The following THSD7B variants were observed in gnomAD, a reference collection of about 807,000 sequenced individuals.
THSD7B encodes thrombospondin type-1 domain-containing protein 7B.
In THSD7B, 138 loss-of-function variants were observed where a neutral mutation model predicts 213.6. The ratio of observed to expected loss-of-function variants is 0.65; its 90% confidence interval spans 0.56 to 0.74. THSD7B has a LOEUF of 0.74. Among genes scored for constraint, THSD7B ranks in the 30% least tolerant of loss-of-function variants. THSD7B has a pLI of 0.00. For missense variants in THSD7B, 1,931 were observed against 1,991.5 expected, an observed-to-expected ratio of 0.97 and a Z score of 0.58; for synonymous variants, 742 against 687.0, an observed-to-expected ratio of 1.08 and a Z score of -1.25.
chr2:137,648,385 C>T (rs1274819280), intron 21 of THSD7B, among the ~76,000 whole-genome samples: 2 of 142,816 alleles, frequency 1.4e-5, no homozygotes, highest in East Asian at 2.0e-4. Context: ...CCCCCCCTCA[C>T]CCCTACGTTC....
At chr2:136,892,008 G>T (rs1349174467) in intron 2 of THSD7B, among the ~76,000 whole-genome samples, 1 of 152,060 alleles carries the variant, frequency 6.6e-6, no homozygotes, top group African/African-American at 2.4e-5. Flanking sequence ...AACTAGCTGG[G>T]GTTGGAACAG....
At chr2:136,780,969 T>C (rs1681731170) in intron 1 of THSD7B, among the ~76,000 whole-genome samples, 3 of 152,134 alleles carry the variant, frequency 2.0e-5, no homozygotes, top group African/African-American at 4.8e-5. Flanking sequence ...CCAATGCCTG[T>C]GAAGAATGTG....
chr2:137,197,758 T>C (rs1426195576), intron 7 of THSD7B, among the ~76,000 whole-genome samples: 1 of 152,172 alleles, frequency 6.6e-6, no homozygotes, highest in Non-Finnish European at 1.5e-5. Flanking sequence ...TCTTAACATT[T>C]TAGGGCATTG....
chr2:137,239,703 A>C (rs1487734018), intron 9 of THSD7B, among the ~76,000 whole-genome samples: 1 of 152,172 alleles, frequency 6.6e-6, no homozygotes, highest in Non-Finnish European at 1.5e-5. Context: ...GAATGTTGGC[A>C]TTCTCTTGGT....
Position 137,396,983 on chromosome 2 carries a change from C to T in THSD7B, c.2501-8630C>T, listed in dbSNP as rs1248117504. Among the ~76,000 whole-genome samples the T allele has an allele frequency of 1.4e-5, 2 of 140,180 alleles. 1 individual carries two copies. The highest frequency in any genetic ancestry group is 3.2e-5 in the Non-Finnish European group (2 of 63,106). The allele number at this position is 140,180 out of a possible 152,430, so 92.0% of individuals were successfully genotyped here. On this transcript the variant is annotated intron_variant, in intron 12 of 27. Coordinates refer to ENST00000409968, the MANE Select transcript of THSD7B (RefSeq NM_001316349.2). ...TCTGTTTTATCAGAGACGAGGATTG[C>T]AACCCCTGCCTTTTTTTGTTTTCCA...
rs147206430 is a variant in THSD7B at position 136,766,687 on chromosome 2, C to A, written c.-36+1000C>A. Among the ~76,000 whole-genome samples, 154 of 152,252 alleles carry A rather than the reference C, an allele frequency of 1.0e-3. 2 individuals carry two copies. The highest frequency in any genetic ancestry group is 3.5e-3 in the African/African-American group (145 of 41,546). On this transcript the variant is annotated intron_variant, in intron 1 of 27. Coordinates refer to ENST00000409968, the MANE Select transcript of THSD7B (RefSeq NM_001316349.2). ...TCTTTTGGAATGTCTGAGCTCAGAG[C>A]TTCCCATAAGAGGTATTGCGATTCA...
intron 12 of THSD7B, among the ~76,000 whole-genome samples, chr2:137,286,408 C>G (rs757446006): frequency 6.6e-5 from 10 of 152,122 alleles, no homozygotes; most frequent in Admixed American, 2.0e-4. Context: ...TATCAAATGT[C>G]AAGACAGCCA....
chr2:137,465,116 G>A lies in THSD7B; in HGVS notation c.3138+14093G>A, dbSNP rs142223415. Among the ~76,000 whole-genome samples, 7 of 152,002 alleles carry A rather than the reference G, an allele frequency of 4.6e-5. No homozygotes were observed. In the East Asian group the frequency reaches 1.2e-3, roughly 25 times the overall value. On this transcript the variant is annotated intron_variant, in intron 15 of 27. Transcript: ENST00000409968. ...GGAGCCTTTTTTTTCTCCTTTATGT[G>A]CTCTGCCATATATTAATCCTTTTTT...
rs2104987585 is a variant in THSD7B, at chr2:137,396,176, T to A, written c.2501-9437T>A. 2.1e-5 allele frequency among the ~76,000 whole-genome samples: 3 copies of A among 144,194 alleles called. No homozygotes were observed. The South Asian group carries it at 7.1e-4, about 34-fold the overall frequency. 94.6% of individuals were successfully genotyped at this position (144,194 alleles called of 152,430 possible). On this transcript the variant is annotated intron_variant, in intron 12 of 27. Coordinates refer to ENST00000409968, the MANE Select transcript of THSD7B (RefSeq NM_001316349.2). ...GTCTCTATTTCCTTCAGTTCTGCTCTGATTTTAGTTATTTCTTGCCTTCTG... is the reference window on the plus strand; with the variant it reads ...GTCTCTATTTCCTTCAGTTCTGCTCAGATTTTAGTTATTTCTTGCCTTCTG...
intron 7 of THSD7B, among the ~76,000 whole-genome samples, chr2:137,204,280 T>A (rs1164790237): frequency 1.0e-5 from 1 of 96,276 alleles, no homozygotes; most frequent in Non-Finnish European, 2.2e-5. Flanking sequence ...AAATTCTTAG[T>A]AAAGGGACAA....
At chr2:137,224,845 T>C (rs921999786) in intron 7 of THSD7B, among the ~76,000 whole-genome samples, 6 of 152,182 alleles carry the variant, frequency 3.9e-5, no homozygotes, top group Non-Finnish European at 8.8e-5. Flanking sequence ...GTTAGGCTTC[T>C]GAAACAAACA....
At chr2:137,237,305 G>A (rs1341936759) in intron 9 of THSD7B, among the ~76,000 whole-genome samples, 3 of 152,128 alleles carry the variant, frequency 2.0e-5, no homozygotes, top group Non-Finnish European at 2.9e-5. Context: ...AAAGGCAAGG[G>A]GCCATGTATG....
intron 1 of THSD7B, among the ~76,000 whole-genome samples, chr2:136,868,628 A>G (rs1263589426): frequency 1.3e-5 from 2 of 152,176 alleles, no homozygotes; most frequent in East Asian, 1.9e-4. Flanking sequence ...GTAATTAAGT[A>G]TTTTTTTAAT....
intron 7 of THSD7B, among the ~76,000 whole-genome samples, chr2:137,224,998 GT>G (rs1681463393): frequency 1.3e-5 from 2 of 151,850 alleles, no homozygotes; most frequent in African/African-American, 4.8e-5. Context: ...TCTCTTTTGG[GT>G]TTTCCTCCCA....
chr2:137,211,995 T>A (rs1402887288), intron 7 of THSD7B, among the ~76,000 whole-genome samples: 1 of 151,988 alleles, frequency 6.6e-6, no homozygotes, highest in African/African-American at 2.4e-5. Context: ...AAATAAACAA[T>A]AAACAAAGGG....
intron 2 of THSD7B, among the ~76,000 whole-genome samples, chr2:137,014,978 C>A (rs572832364): frequency 1.3e-5 from 2 of 152,218 alleles, no homozygotes; most frequent in South Asian, 4.1e-4. Flanking sequence ...GCTTTCTCCT[C>A]ACTCCCTCTA....
intron 12 of THSD7B, among the ~76,000 whole-genome samples, chr2:137,296,893 C>G (rs1683478025): frequency 6.6e-6 from 1 of 151,970 alleles, no homozygotes; most frequent in Non-Finnish European, 1.5e-5. Flanking sequence ...TTGTGATACA[C>G]TCAGTCTCTC....
chr2:137,633,768 G>A (rs1247620454), intron 20 of THSD7B, among the ~76,000 whole-genome samples: 2 of 152,016 alleles, frequency 1.3e-5, no homozygotes, highest in Non-Finnish European at 2.9e-5. Flanking sequence ...AGCAGGATAA[G>A]GAAGAGAAAA....
intron 24 of THSD7B, among the ~76,000 whole-genome samples, chr2:137,659,085 T>C (rs988442212): frequency 6.6e-6 from 1 of 152,196 alleles, no homozygotes; most frequent in African/African-American, 2.4e-5. Context: ...GATGTTTGAT[T>C]GTCTCTCCTA....
Sources: gnomAD v4.1 joint callset for allele counts (sites outside exome capture counted in the v4.1 genomes callset) on GRCh38, gnomAD v4.1.1 for gene constraint, MANE v1.5 for transcripts, NCBI Gene and HGNC (gene_info 2026-07-23, HGNC 2026-07-21) for gene names.